Variants in CNTNAP5 observed in about 807,000 individuals in gnomAD.
The protein encoded by CNTNAP5 is contactin associated protein family member 5, also known as contactin-associated protein-like 5.
CNTNAP5 carries 72 observed loss-of-function variants against 150.2 expected under a neutral mutation model. That is an observed-to-expected ratio of 0.48 (90% CI 0.40 to 0.58). The LOEUF (loss-of-function observed/expected upper bound fraction) is 0.58. Ranked by LOEUF, CNTNAP5 falls within the 20% of genes least tolerant of loss-of-function variation. The probability of loss-of-function intolerance (pLI) is 0.00; values close to 1 mark genes in which losing one functional copy is unlikely to be tolerated. For synonymous variants in CNTNAP5, 672 were observed against 619.8 expected, an observed-to-expected ratio of 1.08 and a Z score of -1.25; for missense variants, 1,636 against 1,626.2, an observed-to-expected ratio of 1.01 and a Z score of -0.10.
intron 12 of CNTNAP5, among the ~76,000 whole-genome samples, chr2:124,632,081 G>A (rs1244749643): frequency 6.6e-6 from 1 of 152,028 alleles, no homozygotes; most frequent in Non-Finnish European, 1.5e-5. Flanking sequence ...CAGAGAAATA[G>A]GAATGGTTTT....
chr2:124,902,826 A>G (rs2104759613), intron 21 of CNTNAP5, 56 bp from the exon 22 acceptor site: 1 of 1,274,534 alleles, frequency 7.8e-7, no homozygotes, highest in Non-Finnish European at 1.1e-6. Flanking sequence ...GACCCAGCAT[A>G]TAATTTGGAA....
intron 3 of CNTNAP5, among the ~76,000 whole-genome samples, chr2:124,362,358 A>G (rs1481691440): frequency 6.6e-6 from 1 of 152,216 alleles, no homozygotes; most frequent in Non-Finnish European, 1.5e-5. Context: ...CTTAAATATC[A>G]TTAACAAGAT....
chr2:124,208,765 A>G (rs1281110210), intron 1 of CNTNAP5, among the ~76,000 whole-genome samples: 1 of 152,176 alleles, frequency 6.6e-6, no homozygotes, highest in East Asian at 1.9e-4. Flanking sequence ...AAAACTAAAA[A>G]CATTCTCGTG....
At chr2:124,238,354 TG>T (rs1466374563) in intron 2 of CNTNAP5, among the ~76,000 whole-genome samples, 1 of 152,126 alleles carries the variant, frequency 6.6e-6, no homozygotes, top group African/African-American at 2.4e-5. Context: ...GGAACAGAGC[TG>T]GGTCTTGAAC....
At chr2:124,632,996 T>C (rs757783285) in intron 12 of CNTNAP5, among the ~76,000 whole-genome samples, 1 of 152,082 alleles carries the variant, frequency 6.6e-6, no homozygotes, top group Admixed American at 6.6e-5. Context: ...AATGGTGCTA[T>C]TTAAAAACCC....
intron 13 of CNTNAP5, among the ~76,000 whole-genome samples, chr2:124,703,205 T>TCCTTCTTTCCTTCCTG (rs757627856): frequency 9.1e-6 from 1 of 109,824 alleles, no homozygotes. Context: ...CTTCCTTCCT[T>TCCTTCTTTCCTTCCTG]CTCCCTCTCT....
chr2:124,088,635 T>C (rs1041182305), intron 1 of CNTNAP5, among the ~76,000 whole-genome samples: 6 of 152,120 alleles, frequency 3.9e-5, no homozygotes, highest in Non-Finnish European at 8.8e-5. Flanking sequence ...CATAATTGCC[T>C]TGTGTATATA....
At chr2:124,331,469 A>T (rs1689347503) in intron 3 of CNTNAP5, among the ~76,000 whole-genome samples, 1 of 152,058 alleles carries the variant, frequency 6.6e-6, no homozygotes, top group Non-Finnish European at 1.5e-5. Flanking sequence ...TGTATTAAAC[A>T]TATCAAATAA....
At chr2:124,888,736 C>T (rs540314861) in intron 21 of CNTNAP5, among the ~76,000 whole-genome samples, 168 of 152,062 alleles carry the variant, frequency 1.1e-3, no homozygotes, top group African/African-American at 3.8e-3. Context: ...GTCACTTGTA[C>T]GTCTTCTTTT....
chr2:124,237,092 G>A (rs1474371778), intron 2 of CNTNAP5, among the ~76,000 whole-genome samples: 2 of 152,096 alleles, frequency 1.3e-5, no homozygotes, highest in Non-Finnish European at 2.9e-5. Flanking sequence ...TCACGCCATT[G>A]CACTCCAGCC....
chr2:124,485,186 A>G (rs1413267210), intron 7 of CNTNAP5, among the ~76,000 whole-genome samples: 1 of 152,212 alleles, frequency 6.6e-6, no homozygotes, highest in Non-Finnish European at 1.5e-5. Context: ...TAGGACTCCA[A>G]GTTGTCCAGA....
At chr2:124,341,278 G>A (rs542416696) in intron 3 of CNTNAP5, among the ~76,000 whole-genome samples, 3 of 152,222 alleles carry the variant, frequency 2.0e-5, no homozygotes, top group South Asian at 4.1e-4. Flanking sequence ...GTTGGGTGGA[G>A]TACTCAGAAA....
chr2:124,033,827 T>C (rs1681131068), intron 1 of CNTNAP5, among the ~76,000 whole-genome samples: 1 of 152,104 alleles, frequency 6.6e-6, no homozygotes, highest in Non-Finnish European at 1.5e-5. Context: ...AGCCTTCCAA[T>C]TCATATAGAT....
At chr2:124,259,940 C>T (rs1002847858) in intron 3 of CNTNAP5, among the ~76,000 whole-genome samples, 2 of 152,126 alleles carry the variant, frequency 1.3e-5, no homozygotes, top group East Asian at 3.9e-4. Context: ...GGCCATACTG[C>T]CCAAGGTAAT....
intron 3 of CNTNAP5, among the ~76,000 whole-genome samples, chr2:124,337,075 T>C (rs1689490997): frequency 6.6e-6 from 1 of 152,202 alleles, no homozygotes; most frequent in Non-Finnish European, 1.5e-5. Flanking sequence ...TTTTAACTGG[T>C]GTGAGATGGT....
chr2:124,073,585 G>T (rs973097164), intron 1 of CNTNAP5, among the ~76,000 whole-genome samples: 2 of 151,988 alleles, frequency 1.3e-5, no homozygotes, highest in African/African-American at 2.4e-5. Context: ...CATATGAAAA[G>T]GTGCTCAGCA....
chr2:124,896,759 G>A (rs375707182), intron 21 of CNTNAP5, among the ~76,000 whole-genome samples: 13 of 151,372 alleles, frequency 8.6e-5, no homozygotes, highest in South Asian at 4.2e-4. Flanking sequence ...GGCTGGTCTC[G>A]AACTCATGAC....
At position 124,089,149 on chromosome 2, in the gene CNTNAP5, C is replaced by T. The variant is rs183457374; in HGVS notation, c.82+63417C>T. Reference sequence around the variant, plus strand: ...TTCCCTAGACAATCAGCTTTGTTCTCTACAATTTTCAGTCTTCATATGCTT... The same window carrying T: ...TTCCCTAGACAATCAGCTTTGTTCTTTACAATTTTCAGTCTTCATATGCTT... On this transcript the variant is annotated intron_variant, in intron 1 of 23. Transcript: ENST00000682447. Among the ~76,000 whole-genome samples, 416 of 152,222 alleles carry T rather than the reference C, an allele frequency of 2.7e-3. 2 individuals carry two copies. The highest frequency in any genetic ancestry group is 9.8e-3 in the African/African-American group (405 of 41,534).
intron 6 of CNTNAP5, among the ~76,000 whole-genome samples, chr2:124,456,390 T>C (rs1693120320): frequency 6.6e-6 from 1 of 152,032 alleles, no homozygotes; most frequent in African/African-American, 2.4e-5. Context: ...CAAGAAAAAC[T>C]ACAAAACACT....
Sources: allele counts gnomAD v4.1 joint callset (sites outside exome capture counted in the v4.1 genomes callset), GRCh38; gene constraint gnomAD v4.1.1; transcripts MANE v1.5; gene names NCBI Gene and HGNC (gene_info 2026-07-23, HGNC 2026-07-21).